The following ANK3 variants were observed in gnomAD, a reference collection of about 807,000 sequenced individuals.
The protein encoded by ANK3 is ankyrin 3.
A neutral mutation model predicts 370.9 loss-of-function variants in ANK3; 57 were observed. That is an observed-to-expected ratio of 0.15 (90% CI 0.12 to 0.19). The LOEUF (loss-of-function observed/expected upper bound fraction) is 0.19. Among genes scored for constraint, ANK3 ranks in the 10% least tolerant of loss-of-function variants. The probability of loss-of-function intolerance (pLI) is 1.00; values close to 1 mark genes in which losing one functional copy is unlikely to be tolerated. For missense variants in ANK3, 4,439 were observed against 5,302.1 expected, an observed-to-expected ratio of 0.84 and a Z score of 5.06; for synonymous variants, 1,929 against 1,946.3, an observed-to-expected ratio of 0.99 and a Z score of 0.23.
chr10:60,071,421 C>T lies in ANK3; in HGVS notation c.9460G>A (p.Glu3154Lys). The T allele has an allele frequency of 6.2e-7, 1 of 1,614,098 alleles. No individual in the cohort carries two copies. Among genetic ancestry groups the T allele is most frequent in the Non-Finnish European group, 8.5e-7 (1 of 1,179,986 alleles). ...PQGSPEDDTL[E>K]QVSFLDSSGK... Reference sequence around the variant, plus strand: ...GAGCTGTCTAGAAAGGATACTTGCTCTAGAGTATCATCTTCTGGACTACCT... The same window carrying T: ...GAGCTGTCTAGAAAGGATACTTGCTTTAGAGTATCATCTTCTGGACTACCT... The change falls in exon 37 of 44, where the codon GAG becomes AAG. Residue 3154 changes from glutamate (E) to lysine (K), a missense_variant. This residue lies in a region of ANK3 where 1,601 missense variants were observed against 1,731.7 expected (regional missense o/e 0.92). Transcript: ENST00000280772.
At chr10:60,413,092 CT>C (rs1321319576) in intron 2 of ANK3, among the ~76,000 whole-genome samples, 2 of 152,188 alleles carry the variant, frequency 1.3e-5, no homozygotes, top group Non-Finnish European at 2.9e-5. Context: ...TAATTATCAC[CT>C]TTCTATGACA....
chr10:60,333,044 GTTAT>G (rs1488142512), intron 1 of ANK3, among the ~76,000 whole-genome samples: 1 of 152,028 alleles, frequency 6.6e-6, no homozygotes, highest in Non-Finnish European at 1.5e-5. Flanking sequence ...AATTTTATAG[GTTAT>G]TTAAAGTCTC....
At chr10:60,388,428 T>C (rs1286930074) in intron 1 of ANK3, among the ~76,000 whole-genome samples, 1 of 152,194 alleles carries the variant, frequency 6.6e-6, no homozygotes, top group African/African-American at 2.4e-5. Context: ...GCCTTACTGC[T>C]CAAATTAAGG....
At chr10:60,358,917 T>C (rs1462762374) in intron 1 of ANK3, among the ~76,000 whole-genome samples, 1 of 152,162 alleles carries the variant, frequency 6.6e-6, no homozygotes, top group Non-Finnish European at 1.5e-5. Flanking sequence ...GAGAGGTCTA[T>C]CCTAACCACC....
intron 7 of ANK3, among the ~76,000 whole-genome samples, chr10:60,254,178 TTATAC>T (rs1205115138): frequency 1.3e-5 from 2 of 152,158 alleles, no homozygotes; most frequent in South Asian, 2.1e-4. Flanking sequence ...TAAATAGTTA[TTATAC>T]TATATTTTAA....
chr10:60,597,499 C>T (rs536200914), intron 2 of ANK3, among the ~76,000 whole-genome samples: 1 of 152,312 alleles, frequency 6.6e-6, no homozygotes, highest in African/African-American at 2.4e-5. Flanking sequence ...TTCCCAGTGA[C>T]CAGTCAAGCG....
intron 2 of ANK3, among the ~76,000 whole-genome samples, chr10:60,440,527 G>A (rs1035765671): frequency 2.0e-5 from 3 of 152,040 alleles, no homozygotes; most frequent in Non-Finnish European, 4.4e-5. Context: ...AGAACAGCAT[G>A]GGGGGAACCA....
chr10:60,436,071 A>G (rs1338980387), intron 2 of ANK3, among the ~76,000 whole-genome samples: 2 of 150,052 alleles, frequency 1.3e-5, no homozygotes, highest in Non-Finnish European at 3.0e-5. Flanking sequence ...CTGGGCGACA[A>G]GAACGAGACT....
At chr10:60,697,482 C>T (rs1192091801) in intron 1 of ANK3, among the ~76,000 whole-genome samples, 1 of 150,912 alleles carries the variant, frequency 6.6e-6, no homozygotes, top group Non-Finnish European at 1.5e-5. Context: ...CTGGAGGCAT[C>T]ACGCTACCTG....
At chr10:60,626,403 T>C (rs541445994) in intron 1 of ANK3, among the ~76,000 whole-genome samples, 8 of 152,334 alleles carry the variant, frequency 5.3e-5, no homozygotes, top group South Asian at 2.1e-4. Context: ...TAAATAATAC[T>C]TCAAGACATC....
chr10:60,579,048 C>G (rs892132712), intron 2 of ANK3, among the ~76,000 whole-genome samples: 2 of 152,046 alleles, frequency 1.3e-5, no homozygotes, highest in African/African-American at 4.8e-5. Flanking sequence ...TTTTTCTGGC[C>G]GGGCGCAGTG....
Position 60,586,087 on chromosome 10 carries a change from G to GA in ANK3, c.96+29098dup, listed in dbSNP as rs5785458. On this transcript the variant is annotated intron_variant, in intron 2 of 43. Transcript: ENST00000373827. Reference sequence around the variant, plus strand: ...TTGACATTTTGAGTGTTAAAAAAGGGAAAAAAAAAACCTTAGAATTTCCAA... The same window carrying GA: ...TTGACATTTTGAGTGTTAAAAAAGGGAAAAAAAAAAACCTTAGAATTTCCAA... 1.5e-4 allele frequency among the ~76,000 whole-genome samples: 23 copies of GA among 150,364 alleles called. No individual in the cohort carries two copies. In the South Asian group the frequency reaches 1.7e-3, roughly 11 times the overall value.
At chr10:60,063,524 A>T (rs1176439801) in intron 39 of ANK3, among the ~76,000 whole-genome samples, 1 of 152,194 alleles carries the variant, frequency 6.6e-6, no homozygotes, top group African/African-American at 2.4e-5. Context: ...CTATAAGGGG[A>T]TCTAATAAAA....
At chr10:60,548,390 G>A (rs150198675) in intron 2 of ANK3, among the ~76,000 whole-genome samples, 71 of 151,454 alleles carry the variant, frequency 4.7e-4, no homozygotes, top group African/African-American at 1.5e-3. Flanking sequence ...TTGTGTGTGC[G>A]TGTTTTTTTT....
At chr10:60,695,985 C>A (rs1348309852) in intron 1 of ANK3, among the ~76,000 whole-genome samples, 1 of 150,132 alleles carries the variant, frequency 6.7e-6, no homozygotes, top group Non-Finnish European at 1.5e-5. Context: ...AAAGGATCAA[C>A]AAAATTGATA....
rs1411560207 is a variant in ANK3 at position 60,052,843 on chromosome 10, A to AT, written c.13065+2814_13065+2815insA. Among the ~76,000 whole-genome samples, 8 of 152,292 alleles carry AT rather than the reference A, an allele frequency of 5.3e-5. No homozygotes were observed. The East Asian group carries it at 5.8e-4, about 11-fold the overall frequency. On this transcript the variant is annotated intron_variant, in intron 42 of 43. Transcript: ENST00000280772. ...TGAATTCCAGTATTTGTTTAAAAAA[A>AT]AAAATAAAACTGCTATAGGAGGTAC... is the stretch of plus-strand genomic sequence containing the variant.
In ANK3 at chr10:60,272,089, TTGTGTGTGTGTGTG is replaced by T. The variant is rs5785433; in HGVS notation, c.415-1874_415-1861del. Among the ~76,000 whole-genome samples, 689 of 145,680 alleles carry T rather than the reference TTGTGTGTGTGTGTG, an allele frequency of 4.7e-3. 1 individual carries two copies. Among genetic ancestry groups the T allele is most frequent in the Middle Eastern group, 0.01 (3 of 286 alleles). On this transcript the variant is annotated intron_variant, in intron 4 of 43. Coordinates refer to ENST00000280772, the MANE Select transcript of ANK3 (RefSeq NM_020987.5). ...TGGAGTACTTGGAACACTGTGGGATTTGTGTGTGTGTGTGTGTGTGTGTGTGTGTGTGTGTGTGC... is the reference window on the plus strand; with the variant it reads ...TGGAGTACTTGGAACACTGTGGGATTTGTGTGTGTGTGTGTGTGTGTGTGC...
intron 2 of ANK3, among the ~76,000 whole-genome samples, chr10:60,605,768 G>C (rs2078121110): frequency 1.3e-5 from 2 of 152,176 alleles, no homozygotes; most frequent in Admixed American, 6.6e-5. Context: ...TGTAAGCTGA[G>C]ATTCAGTTTG....
intron 23 of ANK3, among the ~76,000 whole-genome samples, chr10:60,156,807 C>T (rs966994639): frequency 1.3e-5 from 2 of 152,130 alleles, no homozygotes; most frequent in African/African-American, 4.8e-5. Flanking sequence ...TTGGAAAGTC[C>T]TCTCAAAAAG....
Sources: allele counts gnomAD v4.1 joint callset (sites outside exome capture counted in the v4.1 genomes callset), GRCh38; gene constraint gnomAD v4.1.1; regional missense constraint gnomAD v4.1.1; transcripts MANE v1.5; gene names NCBI Gene and HGNC (gene_info 2026-07-23, HGNC 2026-07-21).